Variants in TFRC observed in about 807,000 individuals in gnomAD.
TFRC encodes the protein transferrin receptor protein 1.
In TFRC, 35 loss-of-function variants were observed where a neutral mutation model predicts 85.8. The ratio of observed to expected loss-of-function variants is 0.41; its 90% CI spans 0.31 to 0.54. The LOEUF (loss-of-function observed/expected upper bound fraction) is 0.54, where lower values mean the gene tolerates loss of function less well. TFRC is among the 20% of genes least tolerant of loss of function. The pLI is 0.31. For missense variants in TFRC, 828 were observed against 921.5 expected (o/e 0.90, Z 1.31); for synonymous variants, 362 against 328.6 (o/e 1.10, Z -1.10).
At chr3:196,072,256 T>C (rs1267704121) in intron 4 of TFRC, 104 bp from the exon 5 acceptor site, 15 of 1,413,380 alleles carry the variant, frequency 1.1e-5, no homozygotes, top group Middle Eastern at 4.7e-4. Flanking sequence ...TTATCCCTCA[T>C]AGTTCAGATA....
At chr3:196,068,154 A>T in intron 7 of TFRC, 24 bp from the exon 8 acceptor site, 3 of 1,556,242 alleles carry the variant, frequency 1.9e-6, no homozygotes, top group Non-Finnish European at 2.6e-6. Flanking sequence ...TATAAAGCTC[A>T]GAAAATGAAG....
At chr3:196,073,453 C>G (rs1043518401) in intron 4 of TFRC, among the ~76,000 whole-genome samples, 1 of 151,900 alleles carries the variant, frequency 6.6e-6, no homozygotes, top group Admixed American at 6.6e-5. Context: ...ACTGACTGGC[C>G]TAGGGGTTAA....
At chr3:196,081,467 C>A (rs1719169685) in intron 1 of TFRC, among the ~76,000 whole-genome samples, 1 of 152,236 alleles carries the variant, frequency 6.6e-6, no homozygotes, top group Non-Finnish European at 1.5e-5. Context: ...GGGGCCCGCC[C>A]GGAGCCCGGG....
intron 14 of TFRC, among the ~76,000 whole-genome samples, chr3:196,059,593 TTC>T (rs1424403127): frequency 6.6e-6 from 1 of 151,764 alleles, no homozygotes. Context: ...GGCAAATATT[TTC>T]TTTTTTATTT....
rs777259127 is a variant in TFRC at position 196,077,140 on chromosome 3, G to C, written c.-23-18C>G. 5 of 1,584,720 alleles carry C rather than the reference G, an allele frequency of 3.2e-6. No homozygotes were observed. The Admixed American group carries it at 8.4e-5, about 27-fold the overall frequency. On this transcript the variant is annotated intron_variant, in intron 1 of 18. Coordinates refer to ENST00000360110, the MANE Select transcript of TFRC (RefSeq NM_001128148.3). ...AGAAGAACCTAGGTATCAGAATAGA[G>C]AATTATTGAGAAAGATACTACTGTA...
chr3:196,073,047 A>AACAAAC (rs756106120), intron 4 of TFRC, among the ~76,000 whole-genome samples: 5 of 110,496 alleles, frequency 4.5e-5, no homozygotes, highest in Non-Finnish European at 6.2e-5. Flanking sequence ...AAAAAAAAAA[A>AACAAAC]AAAAAAAAAA....
chr3:196,049,478 T>C lies in TFRC; in HGVS notation c.*2464A>G. The C allele has an allele frequency of 4.6e-6, 1 of 218,162 alleles. No homozygotes were observed. Among genetic ancestry groups the C allele is most frequent in the East Asian group, 6.8e-5 (1 of 14,784 alleles). The allele number at this position is 218,162 out of a possible 1,614,324, so 13.5% of individuals were successfully genotyped here. On this transcript the variant is annotated 3_prime_UTR_variant, in exon 19 of 19. Coordinates refer to ENST00000360110, the MANE Select transcript of TFRC (RefSeq NM_001128148.3). The stretch of plus-strand genomic sequence containing the variant: ...ATCATGACAGAACTCATTCATTTTA[T>C]CCTTTACCTCCAAAAGGCCCATCTC...
At chr3:196,062,272 G>A in intron 13 of TFRC, 1 of 317,240 alleles carries the variant, frequency 3.2e-6, no homozygotes, top group African/African-American at 2.2e-5. Flanking sequence ...GCCAGGCACA[G>A]TGGCCCACAT....
intron 17 of TFRC, among the ~76,000 whole-genome samples, chr3:196,054,473 T>C (rs556563721): frequency 6.6e-6 from 1 of 152,234 alleles, no homozygotes; most frequent in African/African-American, 2.4e-5. Flanking sequence ...GTGATTTACT[T>C]CAATTAAGAG....
intron 16 of TFRC, among the ~76,000 whole-genome samples, chr3:196,057,781 C>CAA (rs370832734): frequency 9.3e-4 from 72 of 77,528 alleles, no homozygotes; most frequent in East Asian, 2.6e-3. Context: ...TCACCATTGT[C>CAA]AAAAAAAAAA....
intron 8 of TFRC, 126 bp downstream of exon 8, chr3:196,067,906 C>T (rs1717868431): frequency 3.7e-6 from 3 of 801,362 alleles, no homozygotes; most frequent in Non-Finnish European, 5.9e-6. Context: ...TATCTTCTTG[C>T]TTACTGCTAA....
At chr3:196,063,730 A>G (rs1260270226) in intron 11 of TFRC, among the ~76,000 whole-genome samples, 3 of 152,170 alleles carry the variant, frequency 2.0e-5, no homozygotes, top group African/African-American at 7.2e-5. Context: ...TAGCCTGGCC[A>G]ACATGGCGAA....
chr3:196,058,119 A>C, intron 16 of TFRC, 165 bp downstream of exon 16: 1 of 516,864 alleles, frequency 1.9e-6, no homozygotes, highest in Admixed American at 3.6e-5. Context: ...GTAATTTTGT[A>C]ATCCTCGTCA....
Position 196,062,585 on chromosome 3 carries a change from G to C in TFRC, c.1465C>G (p.Leu489Val). ...AGCTAATGAAAGGGATACTTACCAA[G>C]AACCGCTTTATCCAGATTAATATAA... The part of the protein sequence containing the change: ...FTYINLDKAV[L>V]GTSNFKVSAS... The change falls in exon 13 of 19, where the codon CTT (leucine) becomes GTT (valine). Residue 489 changes from leucine (L) to valine (V), a missense_variant. Physicochemically the swap from Leu to Val is conservative, Grantham distance 32 (BLOSUM62 1). Transcript: ENST00000360110. 6.2e-7 allele frequency: 1 copy of C among 1,607,242 alleles called. No homozygotes were observed. The highest frequency in any genetic ancestry group is 8.5e-7 in the Non-Finnish European group (1 of 1,177,916).
chr3:196,069,449 A>G lies in TFRC; in HGVS notation c.801+6T>C, dbSNP rs757339421. 38 of 1,533,978 alleles carry G rather than the reference A, an allele frequency of 2.5e-5. No individual in the cohort carries two copies. Among genetic ancestry groups the G allele is most frequent in the Non-Finnish European group, 3.3e-5 (37 of 1,109,220 alleles). On this transcript the variant is annotated splice_donor_region_variant and intron_variant, in intron 7 of 18. Transcript: ENST00000360110. ...TGTATTTAATATTATAATAACTCAT[A>G]CTCACCTTTTCTGCAAAGGTGATTT...
chr3:196,055,736 GTCTC>G (rs375237244), intron 16 of TFRC, among the ~76,000 whole-genome samples: 10 of 148,914 alleles, frequency 6.7e-5, no homozygotes, highest in African/African-American at 1.7e-4. Flanking sequence ...TTGAGACAAG[GTCTC>G]TCTGTCACCC....
chr3:196,058,432 C>G, intron 15 of TFRC, 67 bp from the exon 16 acceptor site: 2 of 1,510,344 alleles, frequency 1.3e-6, no homozygotes, highest in Admixed American at 3.6e-5. Flanking sequence ...CGTGCTAGTC[C>G]CCCCATCCAA....
In TFRC at chr3:196,072,162, A is replaced by C. The variant is rs200318282; in HGVS notation, c.435-10T>G. The C allele has an allele frequency of 4.5e-5, 72 of 1,610,296 alleles. No individual in the cohort carries two copies. The highest frequency in any genetic ancestry group is 1.6e-4 in the Middle Eastern group (1 of 6,074). The stretch of plus-strand genomic sequence containing the variant: ...ATTTTCATTCAGCAGCCTGGAGGAG[A>C]AAATGCCTTTTAAATGAACTTAAGT... On this transcript the variant is annotated splice_polypyrimidine_tract_variant and intron_variant, in intron 4 of 18. Transcript: ENST00000360110.
intron 1 of TFRC, among the ~76,000 whole-genome samples, chr3:196,080,649 A>G (rs1334718648): frequency 6.6e-6 from 1 of 152,268 alleles, no homozygotes; most frequent in Non-Finnish European, 1.5e-5. Context: ...CTTAGGGCGG[A>G]GTTAGCCAAA....
Sources: allele counts gnomAD v4.1 joint callset (sites outside exome capture counted in the v4.1 genomes callset), GRCh38; gene constraint gnomAD v4.1.1; transcripts MANE v1.5; gene names NCBI Gene and HGNC (gene_info 2026-07-23, HGNC 2026-07-21).